Variants in L3MBTL3 observed in about 807,000 individuals in gnomAD.
L3MBTL3 encodes the protein lethal(3)malignant brain tumor-like protein 3.
In L3MBTL3, 27 loss-of-function variants were observed where a neutral mutation model predicts 102.3. The observed-to-expected ratio is 0.26, with a 90% CI of 0.19 to 0.36. L3MBTL3 has a LOEUF of 0.36. Among genes scored for constraint, L3MBTL3 ranks in the 10% least tolerant of loss-of-function variants. The pLI, the probability that L3MBTL3 is intolerant of heterozygous loss-of-function variation, is 1.00. For missense variants in L3MBTL3, 798 were observed against 955.3 expected (o/e 0.84, Z 2.17); for synonymous variants, 340 against 320.9 (o/e 1.06, Z -0.64).
chr6:130,052,746 A>T, intron 6 of L3MBTL3, 113 bp from the exon 7 acceptor site: 1 of 1,329,624 alleles, frequency 7.5e-7, no homozygotes, highest in Non-Finnish European at 1.0e-6. Flanking sequence ...GTAGTTAAAG[A>T]TTTTTCCTTT....
At chr6:130,063,673 A>G (rs1782056302) in intron 10 of L3MBTL3, among the ~76,000 whole-genome samples, 2 of 152,188 alleles carry the variant, frequency 1.3e-5, no homozygotes, top group Non-Finnish European at 1.5e-5. Flanking sequence ...TAAGAGCACT[A>G]TCACTCCTGC....
intron 12 of L3MBTL3, 22 bp from the exon 13 acceptor site, chr6:130,070,950 CTAAT>C: frequency 6.2e-7 from 1 of 1,605,204 alleles, no homozygotes; most frequent in Non-Finnish European, 8.5e-7. Flanking sequence ...GTGCTTATCT[CTAAT>C]TAAATCTGTG....
intron 22 of L3MBTL3, among the ~76,000 whole-genome samples, chr6:130,137,138 T>C (rs550226116): frequency 6.6e-6 from 1 of 152,332 alleles, no homozygotes; most frequent in East Asian, 1.9e-4. Flanking sequence ...TTCATGCCTT[T>C]ACACTCTGAG....
rs971755636 is a variant in L3MBTL3, at chr6:130,141,168, A to G, written c.*1415A>G. The G allele has an allele frequency of 1.3e-5, 2 of 152,192 alleles. No homozygotes were observed. The highest frequency in any genetic ancestry group is 4.8e-5 in the African/African-American group (2 of 41,450). 9.4% of individuals were successfully genotyped at this position (152,192 alleles called of 1,614,324 possible). On this transcript the variant is annotated 3_prime_UTR_variant, in exon 23 of 23. Coordinates refer to ENST00000361794, the MANE Select transcript of L3MBTL3 (RefSeq NM_032438.4). ...AGCATGCTGTCTGAATTCTGGGGTA[A>G]GTTCCACCTCTTCTTTAGTTGCTTT...
intron 11 of L3MBTL3, 118 bp downstream of exon 11, chr6:130,066,606 C>T: frequency 1.2e-6 from 1 of 861,182 alleles, no homozygotes; most frequent in Non-Finnish European, 1.8e-6. Flanking sequence ...CAAATTTAAC[C>T]TTATTGTTTA....
At chr6:130,088,246 G>T (rs1458320300) in intron 16 of L3MBTL3, among the ~76,000 whole-genome samples, 1 of 152,124 alleles carries the variant, frequency 6.6e-6, no homozygotes, top group Non-Finnish European at 1.5e-5. Flanking sequence ...GATGAACCAT[G>T]GAACAAATAT....
At chr6:130,100,215 A>G (rs980326745) in intron 18 of L3MBTL3, among the ~76,000 whole-genome samples, 1 of 152,198 alleles carries the variant, frequency 6.6e-6, no homozygotes, top group Admixed American at 6.5e-5. Flanking sequence ...ATCCGAGGTC[A>G]GTTTTGTTAC....
chr6:130,051,417 T>C lies in L3MBTL3; in HGVS notation c.449+9T>C. On this transcript the variant is annotated intron_variant, in intron 6 of 22. Coordinates refer to ENST00000361794, the MANE Select transcript of L3MBTL3 (RefSeq NM_032438.4). ...CGGCACATCAAAGATAAGTAGGTTTTTGCCCCATTCCATCTATAAATTGAG... is the reference window on the plus strand; with the variant it reads ...CGGCACATCAAAGATAAGTAGGTTTCTGCCCCATTCCATCTATAAATTGAG... 1.2e-6 allele frequency: 2 copies of C among 1,609,870 alleles called. No homozygotes were observed. The highest frequency in any genetic ancestry group is 2.2e-5 in the East Asian group (1 of 44,782).
At chr6:130,100,574 TTGAA>T (rs1784619994) in intron 18 of L3MBTL3, among the ~76,000 whole-genome samples, 1 of 152,208 alleles carries the variant, frequency 6.6e-6, no homozygotes, top group Admixed American at 6.5e-5. Context: ...TTTGAGGGCT[TTGAA>T]TGTTTTTCCC....
chr6:130,030,378 C>G (rs1267633827), intron 2 of L3MBTL3, among the ~76,000 whole-genome samples: 1 of 151,814 alleles, frequency 6.6e-6, no homozygotes, highest in African/African-American at 2.4e-5. Flanking sequence ...AAGATTTAAA[C>G]CCGGCCGGGT....
rs753582467 is a variant in L3MBTL3 at position 130,052,951 on chromosome 6, C to G, written c.542C>G (p.Ala181Gly). The G allele has an allele frequency of 6.2e-7, 1 of 1,613,810 alleles. No homozygotes were observed. The highest frequency in any genetic ancestry group is 1.1e-5 in the South Asian group (1 of 91,076). ...AAAAAACCAAAATTATCTCTGAAAG[C>G]TGACACCAAGGAGGATGGAGAAGAG... ...RKKKPKLSLK[A>G]DTKEDGEERD... Residue 181 changes from alanine (A) to glycine (G), a missense_variant, in exon 7 of 23, where the codon GCT becomes GGT. Ala to Gly is a moderately conservative substitution (Grantham distance 60, BLOSUM62 0). Around this residue, in one of 4 missense-constraint regions of L3MBTL3, gnomAD observed 434 missense variants for 506.6 expected, o/e 0.86. Transcript: ENST00000361794.
At chr6:130,083,291 G>A (rs1007280146) in intron 14 of L3MBTL3, among the ~76,000 whole-genome samples, 3 of 151,922 alleles carry the variant, frequency 2.0e-5, no homozygotes, top group Admixed American at 6.6e-5. Context: ...ATTGTGTGTT[G>A]CCTTTATTGC....
chr6:130,089,617 T>G (rs1283112819), intron 16 of L3MBTL3, among the ~76,000 whole-genome samples: 1 of 152,168 alleles, frequency 6.6e-6, no homozygotes, highest in Non-Finnish European at 1.5e-5. Flanking sequence ...GTATTTCTAG[T>G]TCTAGATCCT....
At position 130,133,425 on chromosome 6, in the gene L3MBTL3, G is replaced by T. The variant is rs1179664365; in HGVS notation, c.1967-27G>T. 1.9e-6 allele frequency: 3 copies of T among 1,609,878 alleles called. No homozygotes were observed. Among genetic ancestry groups the T allele is most frequent in the South Asian group, 1.1e-5 (1 of 90,894 alleles). Reference sequence around the variant, plus strand: ...GGCTTTCTTGCTGCTTTCAGAGAGTGATTTCCCATTTGTTTTCATTGACCA... The same window carrying T: ...GGCTTTCTTGCTGCTTTCAGAGAGTTATTTCCCATTTGTTTTCATTGACCA... On this transcript the variant is annotated intron_variant, in intron 20 of 22. Coordinates refer to ENST00000361794, the MANE Select transcript of L3MBTL3 (RefSeq NM_032438.4). This position sits in a 1 kb window ranked among gnomAD's most constrained non-coding sequence, Gnocchi z 4.9.
intron 9 of L3MBTL3, 59 bp downstream of exon 9, chr6:130,057,556 A>T: frequency 7.8e-7 from 1 of 1,289,824 alleles, no homozygotes; most frequent in Non-Finnish European, 1.1e-6. Flanking sequence ...TACCAGCCTG[A>T]ATTACGATTG....
At chr6:130,123,944 C>T (rs1269642700) in intron 20 of L3MBTL3, among the ~76,000 whole-genome samples, 2 of 152,018 alleles carry the variant, frequency 1.3e-5, no homozygotes, top group Non-Finnish European at 2.9e-5. Context: ...ATATGGGGTT[C>T]CCTGGAAACA....
chr6:130,134,298 C>G lies in L3MBTL3; in HGVS notation c.2199+393C>G, dbSNP rs530430684. Among the ~76,000 whole-genome samples, 10 of 152,240 alleles carry G rather than the reference C, an allele frequency of 6.6e-5. No individual in the cohort carries two copies. The South Asian group carries it at 1.7e-3, about 25-fold the overall frequency. ...ATTTTATTTTCCAGTGTCATTCTAA[C>G]AACACCATGATTGACTCCATTTGAG... On this transcript the variant is annotated intron_variant, in intron 22 of 22. Transcript: ENST00000361794.
intron 17 of L3MBTL3, among the ~76,000 whole-genome samples, chr6:130,093,967 G>T (rs969580415): frequency 1.3e-5 from 2 of 152,240 alleles, no homozygotes; most frequent in Non-Finnish European, 2.9e-5. Context: ...TTGTTAATTC[G>T]TATTTAGATA....
At chr6:130,053,051 A>G in intron 7 of L3MBTL3, 60 bp downstream of exon 7, 1 of 1,321,516 alleles carries the variant, frequency 7.6e-7, no homozygotes, top group Non-Finnish European at 1.1e-6. Flanking sequence ...GTAGCATCAC[A>G]GTCACAAGCA....
Sources: gnomAD v4.1 joint callset for allele counts (sites outside exome capture counted in the v4.1 genomes callset) on GRCh38, gnomAD v4.1.1 for gene constraint, gnomAD v4.1.1 regional missense constraint, Gnocchi (gnomAD v3.1) non-coding constraint, MANE v1.5 for transcripts, NCBI Gene and HGNC (gene_info 2026-07-23, HGNC 2026-07-21) for gene names.